The following TBL1XR1 variants were observed in gnomAD, a reference collection of about 807,000 sequenced individuals.
TBL1XR1 encodes the protein F-box-like/WD repeat-containing protein TBL1XR1.
Under a neutral mutation model 66.9 loss-of-function variants are expected in TBL1XR1, and 5 were observed. That is an observed-to-expected ratio of 0.07 (90% confidence interval 0.04 to 0.16). The LOEUF (loss-of-function observed/expected upper bound fraction) is 0.16, where lower values mean the gene tolerates loss of function less well. Ranked by LOEUF, TBL1XR1 falls within the 10% of genes least tolerant of loss-of-function variation. TBL1XR1 has a pLI of 1.00. For missense variants in TBL1XR1, 238 were observed against 623.2 expected (o/e 0.38, Z 6.58); for synonymous variants, 210 against 206.0 (o/e 1.02, Z -0.17).
At chr3:177,197,842 G>A (rs568615262), upstream of TBL1XR1, among the ~76,000 whole-genome samples, 2 of 147,866 alleles carry the variant, frequency 1.4e-5, no homozygotes, top group East Asian at 2.0e-4. Context: ...CGGGGCCCCG[G>A]GCCGCCCGCC....
At chr3:177,047,694 G>A in intron 7 of TBL1XR1, 145 bp from the exon 8 acceptor site, 1 of 838,718 alleles carries the variant, frequency 1.2e-6, no homozygotes. Flanking sequence ...CTACTTGTGA[G>A]TGCCACTAAA....
chr3:177,147,566 T>C (rs1280543130), intron 1 of TBL1XR1, among the ~76,000 whole-genome samples: 1 of 152,232 alleles, frequency 6.6e-6, no homozygotes, highest in African/African-American at 2.4e-5. Context: ...AATGTATTTC[T>C]CATTTTTGTT....
intron 1 of TBL1XR1, among the ~76,000 whole-genome samples, chr3:177,140,880 A>G (rs555151261): frequency 3.3e-5 from 5 of 152,316 alleles, no homozygotes; most frequent in African/African-American, 1.2e-4. Context: ...TTCTTAAAAC[A>G]TTATGAGATT....
In TBL1XR1 at chr3:177,095,006, A is replaced by G. The variant is rs542423974; in HGVS notation, c.-46+3460T>C. ...AATAAAAAAATAAAGAAAATGCGTT[A>G]TATACATACAATGGAATCTCATTCT... On this transcript the variant is annotated intron_variant, in intron 2 of 15. Transcript: ENST00000457928. Among the ~76,000 whole-genome samples the G allele has an allele frequency of 1.9e-3, 285 of 151,140 alleles. 4 individuals are homozygous for G. Among genetic ancestry groups the G allele is most frequent in the African/African-American group, 6.7e-3 (275 of 41,162 alleles).
At chr3:177,200,484 G>A (rs188171566), upstream of TBL1XR1, among the ~76,000 whole-genome samples, 1 of 151,952 alleles carries the variant, frequency 6.6e-6, no homozygotes. Context: ...TTGTCGCCTC[G>A]CCCTCTAGCT....
intron 3 of TBL1XR1, 61 bp downstream of exon 3, chr3:177,064,859 A>T (rs1718955343): frequency 6.0e-6 from 7 of 1,171,046 alleles, no homozygotes; most frequent in Non-Finnish European, 8.5e-6. Flanking sequence ...CAAATGCATA[A>T]AAGATTATTT....
chr3:177,118,573 T>G (rs1165235316), intron 1 of TBL1XR1, among the ~76,000 whole-genome samples: 1 of 152,216 alleles, frequency 6.6e-6, no homozygotes, highest in Non-Finnish European at 1.5e-5. Context: ...TTAAAGAGAA[T>G]CCATTTGTGA....
chr3:177,158,146 T>G (rs1384518500), intron 1 of TBL1XR1, among the ~76,000 whole-genome samples: 1 of 123,708 alleles, frequency 8.1e-6, no homozygotes, highest in Non-Finnish European at 1.7e-5. Context: ...ACATTATTTC[T>G]AAAAAATAAA....
At chr3:177,087,745 A>G (rs1396976871) in intron 2 of TBL1XR1, among the ~76,000 whole-genome samples, 2 of 152,070 alleles carry the variant, frequency 1.3e-5, no homozygotes, top group Admixed American at 6.6e-5. Context: ...TGGATGAATG[A>G]AAGGAAAAAA....
At chr3:177,056,141 T>C (rs1266016773) in intron 3 of TBL1XR1, among the ~76,000 whole-genome samples, 1 of 152,200 alleles carries the variant, frequency 6.6e-6, no homozygotes, top group Admixed American at 6.5e-5. Context: ...CACTGAGCCA[T>C]CTTATTGCCA....
chr3:177,106,632 A>T (rs1724926250), intron 1 of TBL1XR1, among the ~76,000 whole-genome samples: 1 of 152,168 alleles, frequency 6.6e-6, no homozygotes, highest in Non-Finnish European at 1.5e-5. Context: ...AAGTTAGGAG[A>T]GTGGAATAAA....
intron 1 of TBL1XR1, among the ~76,000 whole-genome samples, 197 bp downstream of exon 1, chr3:177,196,924 G>A (rs997456694): frequency 6.6e-6 from 1 of 151,906 alleles, no homozygotes; most frequent in East Asian, 2.0e-4. Context: ...AAAACGGGGG[G>A]ATGGGGGCGC....
chr3:177,175,820 A>T (rs1734079601), intron 1 of TBL1XR1, among the ~76,000 whole-genome samples: 1 of 152,130 alleles, frequency 6.6e-6, no homozygotes, highest in Non-Finnish European at 1.5e-5. Context: ...GCACTTTGGG[A>T]GGCCGAGGCG....
At chr3:177,043,964 C>T (rs1481260651) in intron 10 of TBL1XR1, among the ~76,000 whole-genome samples, 1 of 152,126 alleles carries the variant, frequency 6.6e-6, no homozygotes, top group Non-Finnish European at 1.5e-5. Flanking sequence ...CCCTCCCCTA[C>T]CTTTTTACCT....
intron 2 of TBL1XR1, among the ~76,000 whole-genome samples, chr3:177,076,607 T>C (rs953229829): frequency 6.6e-6 from 1 of 152,160 alleles, no homozygotes; most frequent in Non-Finnish European, 1.5e-5. Context: ...ACAGATTCCA[T>C]CATTTGCCCC....
chr3:177,125,488 T>C (rs1269547458), intron 1 of TBL1XR1, among the ~76,000 whole-genome samples: 1 of 152,160 alleles, frequency 6.6e-6, no homozygotes. Flanking sequence ...AGTCTGGCCG[T>C]TCCTCAATTA....
chr3:177,086,415 C>T (rs143172825), intron 2 of TBL1XR1, among the ~76,000 whole-genome samples: 12 of 151,496 alleles, frequency 7.9e-5, no homozygotes, highest in East Asian at 3.9e-4. Context: ...AGACATGAAA[C>T]GGTGGGGGAG....
intron 1 of TBL1XR1, among the ~76,000 whole-genome samples, chr3:177,108,391 G>A (rs1463629339): frequency 1.3e-5 from 2 of 152,068 alleles, no homozygotes; most frequent in Non-Finnish European, 2.9e-5. Flanking sequence ...GGGTAAGAAT[G>A]GAAAGAATAA....
At chr3:177,061,715 T>C (rs776006175) in intron 3 of TBL1XR1, among the ~76,000 whole-genome samples, 10 of 152,206 alleles carry the variant, frequency 6.6e-5, no homozygotes, top group Non-Finnish European at 8.8e-5. Context: ...TCAAGAAACA[T>C]AGTTATAACC....
Sources: gnomAD v4.1 joint callset for allele counts (sites outside exome capture counted in the v4.1 genomes callset) on GRCh38, gnomAD v4.1.1 for gene constraint, MANE v1.5 for transcripts, NCBI Gene and HGNC (gene_info 2026-07-23, HGNC 2026-07-21) for gene names.